The following DLG4 variants were observed in gnomAD, a reference collection of about 807,000 sequenced individuals.
DLG4 encodes the protein disks large homolog 4.
DLG4 carries 7 observed loss-of-function variants against 93.8 expected under a neutral mutation model. The ratio of observed to expected loss-of-function variants is 0.07; its 90% CI spans 0.04 to 0.14. The LOEUF is 0.14. Ranked by LOEUF, DLG4 falls within the 10% of genes least tolerant of loss-of-function variation. The pLI is 1.00. For missense variants in DLG4, 545 were observed against 992.9 expected (o/e 0.55, Z 6.06); for synonymous variants, 341 against 387.6 (o/e 0.88, Z 1.41).
In DLG4 at chr17:7,191,588, T is replaced by C. The variant is rs62061429; in HGVS notation, c.1977-230A>G. 1,033 of 594,440 alleles carry C rather than the reference T, an allele frequency of 1.7e-3. 8 individuals carry two copies. Among genetic ancestry groups the C allele is most frequent in the African/African-American group, 0.013 (675 of 53,654 alleles). 36.8% of individuals were successfully genotyped at this position (594,440 alleles called of 1,614,324 possible). A position where few individuals can be genotyped will look rare whatever the true frequency, so the allele number is the denominator to read the frequency against. ...CTCCAGGGACATCTACGGAGCTTCA[T>C]CCTTCCAGCCTTCAGCCCCAGAGAT... On this transcript the variant is annotated intron_variant, in intron 18 of 19. Coordinates refer to ENST00000399506, the MANE Select transcript of DLG4 (RefSeq NM_001321075.3). This position sits in a 1 kb window ranked among gnomAD's most constrained non-coding sequence, Gnocchi z 6.6.
At chr17:7,207,731 CGCACACACACACACA>C (rs1274747388) in intron 2 of DLG4, among the ~76,000 whole-genome samples, 4 of 151,560 alleles carry the variant, frequency 2.6e-5, no homozygotes, top group Non-Finnish European at 5.9e-5. Context: ...GGCGCACGCA[CGCACACACACACACA>C]GCACACACAC....
At position 7,209,316 on chromosome 17, in the gene DLG4, C is replaced by T. The variant is rs191236782; in HGVS notation, c.31-1077G>A. Among the ~76,000 whole-genome samples the T allele has an allele frequency of 4.4e-3, 670 of 152,280 alleles. 12 individuals carry two copies. The highest frequency in any genetic ancestry group is 0.039 in the Admixed American group (591 of 15,296). ...AGATGGAGACAGCAGAAGAAGACAG[C>T]GTTTCTGCCTGGGTCCTTCCGTGTC... On this transcript the variant is annotated intron_variant, in intron 1 of 19. Coordinates refer to ENST00000399506, the MANE Select transcript of DLG4 (RefSeq NM_001321075.3).
At chr17:7,192,415 A>C (rs2069551180) in intron 17 of DLG4, 1 of 168,812 alleles carries the variant, frequency 5.9e-6, no homozygotes, top group Non-Finnish European at 1.2e-5. Context: ...GAGGACGGAC[A>C]GAGGACAGAC....
chr17:7,191,512 A>C lies in DLG4; in HGVS notation c.1977-154T>G. The C allele has an allele frequency of 5.9e-6, 4 of 679,278 alleles. No homozygotes were observed. In the South Asian group the frequency reaches 7.2e-5, roughly 12 times the overall value. The allele number at this position is 679,278 out of a possible 1,614,324, so 42.1% of individuals were successfully genotyped here. A position where few individuals can be genotyped will look rare whatever the true frequency, so the allele number is the denominator to read the frequency against. ...ATATCCTCTGGGGCCACAGATGAGA[A>C]CCACCCCCCACCCCCCTGCCACCCG... is the stretch of plus-strand genomic sequence containing the variant. On this transcript the variant is annotated intron_variant, in intron 18 of 19. Coordinates refer to ENST00000399506, the MANE Select transcript of DLG4 (RefSeq NM_001321075.3). The surrounding 1 kb of genome is among the most constrained non-coding windows in gnomAD (Gnocchi z 6.6).
intron 1 of DLG4, 114 bp downstream of exon 1, chr17:7,217,004 C>A: frequency 9.8e-7 from 1 of 1,016,340 alleles, no homozygotes; most frequent in East Asian, 3.3e-5. Context: ...CCCCCAAATA[C>A]ATCTTACTTC....
At position 7,194,578 on chromosome 17, in the gene DLG4, G is replaced by C. The variant is rs2069672018; in HGVS notation, c.1302-83C>G. 2.1e-6 allele frequency: 3 copies of C among 1,462,142 alleles called. No individual in the cohort carries two copies. The highest frequency in any genetic ancestry group is 2.8e-6 in the Non-Finnish European group (3 of 1,087,220). 90.6% of individuals were successfully genotyped at this position (1,462,142 alleles called of 1,614,324 possible). Reference sequence around the variant, plus strand: ...CAGTCACCCAAAGACCCGGCCCAGAGGTCTGCAGATGGCACTCCCATGGGA... The same window carrying C: ...CAGTCACCCAAAGACCCGGCCCAGACGTCTGCAGATGGCACTCCCATGGGA... On this transcript the variant is annotated intron_variant, in intron 11 of 19. Transcript: ENST00000399506. This position sits in a 1 kb window ranked among gnomAD's most constrained non-coding sequence, Gnocchi z 4.4.
chr17:7,217,679 G>A (rs980177734), upstream of DLG4: 9 of 1,472,540 alleles, frequency 6.1e-6, no homozygotes, highest in African/African-American at 2.9e-5. Flanking sequence ...GAATGGGGGG[G>A]GTGCCTTGGC....
In DLG4 at chr17:7,193,929, C is replaced by G; in HGVS notation, c.1515+35G>C. The G allele has an allele frequency of 6.2e-7, 1 of 1,613,590 alleles. No individual in the cohort carries two copies. Among genetic ancestry groups the G allele is most frequent in the South Asian group, 1.1e-5 (1 of 90,964 alleles). ...ATGAGCTCAGCTCCATGAGCCCTCA[C>G]ACTTCCACCCAGGCTCACACCCTCC... On this transcript the variant is annotated intron_variant, in intron 13 of 19. Coordinates refer to ENST00000399506, the MANE Select transcript of DLG4 (RefSeq NM_001321075.3). The surrounding 1 kb of genome is among the most constrained non-coding windows in gnomAD (Gnocchi z 6.7).
At chr17:7,214,629 G>A (rs1403300493) in intron 1 of DLG4, among the ~76,000 whole-genome samples, 1 of 152,180 alleles carries the variant, frequency 6.6e-6, no homozygotes, top group Non-Finnish European at 1.5e-5. Flanking sequence ...TTCCCCCACT[G>A]TATCCCCACC....
At chr17:7,201,750 G>A (rs1555523641) in intron 8 of DLG4, among the ~76,000 whole-genome samples, 1 of 152,014 alleles carries the variant, frequency 6.6e-6, no homozygotes, top group Non-Finnish European at 1.5e-5. Flanking sequence ...GCGTGATGGT[G>A]GGCACCTGTA....
At chr17:7,219,771 G>A, upstream of DLG4, 1 of 1,484,678 alleles carries the variant, frequency 6.7e-7, no homozygotes, top group Non-Finnish European at 8.9e-7. Context: ...GAGTTTGGGG[G>A]AGACGAGGGA....
At position 7,195,251 on chromosome 17, in the gene DLG4, C is replaced by T. The variant is rs371288636; in HGVS notation, c.1302-756G>A. Among the ~76,000 whole-genome samples, 1 of 152,144 alleles carries T rather than the reference C, an allele frequency of 6.6e-6. No homozygotes were observed. Among genetic ancestry groups the T allele is most frequent in the Admixed American group, 6.5e-5 (1 of 15,272 alleles). ...TGAAGACACAGAAGAAAGCAATGGG[C>T]CTGGAGAGGAGGGAGGAGACCCCGG... On this transcript the variant is annotated intron_variant, in intron 11 of 19. Coordinates refer to ENST00000399506, the MANE Select transcript of DLG4 (RefSeq NM_001321075.3). The surrounding 1 kb of genome is among the most constrained non-coding windows in gnomAD (Gnocchi z 4.3).
At chr17:7,207,862 G>A (rs953293249) in intron 2 of DLG4, among the ~76,000 whole-genome samples, 5 of 152,004 alleles carry the variant, frequency 3.3e-5, no homozygotes, top group African/African-American at 4.8e-5. Flanking sequence ...ACTCCCATTG[G>A]CCTGGCCTGT....
chr17:7,218,523 A>C (rs1214381310), upstream of DLG4: 5 of 1,553,618 alleles, frequency 3.2e-6, no homozygotes, highest in Non-Finnish European at 4.4e-6. Flanking sequence ...CAGGTCCCTC[A>C]GAAAACGGGC....
At chr17:7,199,425 T>C (rs1366502657) in intron 8 of DLG4, among the ~76,000 whole-genome samples, 4 of 152,018 alleles carry the variant, frequency 2.6e-5, no homozygotes, top group African/African-American at 9.7e-5. Flanking sequence ...GGTCTCGAAC[T>C]CCTGACCTCA....
rs1209566518 is a variant in DLG4, at chr17:7,188,697, TCA to T, written c.*2009_*2010del. 1.3e-5 allele frequency among the ~76,000 whole-genome samples: 2 copies of T among 152,186 alleles called. No individual in the cohort carries two copies. Among genetic ancestry groups the T allele is most frequent in the African/African-American group, 2.4e-5 (1 of 41,430 alleles). On this transcript the variant is annotated 3_prime_UTR_variant, in exon 20 of 20. Coordinates refer to ENST00000399506, the MANE Select transcript of DLG4 (RefSeq NM_001321075.3). ...TTTTTTGCCATGGCTATCAGGAAGC[TCA>T]GAGATCACATTTACCCTCACAGTTC...
Position 7,187,305 on chromosome 17 carries a change from C to CGGGGG in DLG4, c.*3402_*3403insCCCCC, listed in dbSNP as rs1394460871. ...CTGTAATCCTAGCACTTTGGGAGGC[C>CGGGGG]GAGGGGGGGGGGGGTGGATCACCCG... On this transcript the variant is annotated 3_prime_UTR_variant, in exon 20 of 20. Coordinates refer to ENST00000399506, the MANE Select transcript of DLG4 (RefSeq NM_001321075.3). Among the ~76,000 whole-genome samples, 168 of 28,678 alleles carry CGGGGG rather than the reference C, an allele frequency of 5.9e-3. 13 individuals are homozygous for CGGGGG. Among genetic ancestry groups the CGGGGG allele is most frequent in the Middle Eastern group, 0.016 (1 of 64 alleles). The allele number at this position is 28,678 out of a possible 152,430, so 18.8% of individuals were successfully genotyped here. A position where few individuals can be genotyped will look rare whatever the true frequency, so the allele number is the denominator to read the frequency against.
At chr17:7,200,305 A>C (rs1292247416) in intron 8 of DLG4, among the ~76,000 whole-genome samples, 2 of 152,136 alleles carry the variant, frequency 1.3e-5, no homozygotes, top group Non-Finnish European at 2.9e-5. Context: ...TTAGCATATT[A>C]AGTTTTTCCA....
chr17:7,219,892 G>T, upstream of DLG4: 2 of 1,546,668 alleles, frequency 1.3e-6, no homozygotes, highest in East Asian at 2.4e-5. Flanking sequence ...CACTGTGGAC[G>T]ATGAGTCAGG....
Sources: allele counts gnomAD v4.1 joint callset (sites outside exome capture counted in the v4.1 genomes callset), GRCh38; gene constraint gnomAD v4.1.1; non-coding constraint Gnocchi (gnomAD v3.1); transcripts MANE v1.5; gene names NCBI Gene and HGNC (gene_info 2026-07-23, HGNC 2026-07-21).